The following UBE2E2 variants were observed in gnomAD, a reference collection of about 807,000 sequenced individuals.
UBE2E2 encodes the protein ubiquitin conjugating enzyme E2 E2, also known as ubiquitin-conjugating enzyme E2 E2.
UBE2E2 carries 6 observed loss-of-function variants against 24.7 expected under a neutral mutation model. The ratio of observed to expected loss-of-function variants is 0.24; its 90% confidence interval spans 0.13 to 0.48. The LOEUF (loss-of-function observed/expected upper bound fraction) is 0.48, where lower values mean the gene tolerates loss of function less well. Ranked by LOEUF, UBE2E2 falls within the 20% of genes least tolerant of loss-of-function variation. UBE2E2 has a pLI of 0.99. For missense variants in UBE2E2, 169 were observed against 245.0 expected (o/e 0.69, Z 2.07); for synonymous variants, 104 against 83.6 (o/e 1.24, Z -1.33).
rs528165568 is a variant in UBE2E2 at position 23,343,434 on chromosome 3, GGTGTCGT to G, written c.227+126124_227+126130del. On this transcript the variant is annotated intron_variant, in intron 3 of 5. Transcript: ENST00000396703. The stretch of plus-strand genomic sequence containing the variant: ...CTATTAAAAATACAAAAATTAGCTG[GGTGTCGT>G]GGCACTCACCTGTAGTCCCATCTAC... Among the ~76,000 whole-genome samples, 83 of 152,130 alleles carry G rather than the reference GGTGTCGT, an allele frequency of 5.5e-4. 2 individuals are homozygous for G. In the South Asian group the frequency reaches 0.016, roughly 29 times the overall value.
chr3:23,499,834 C>T, intron 4 of UBE2E2, 94 bp downstream of exon 4: 2 of 1,367,112 alleles, frequency 1.5e-6, no homozygotes, highest in African/African-American at 1.5e-5. Flanking sequence ...GGATGCATGT[C>T]TATTCTGTTG....
At chr3:23,351,945 A>G (rs987209669) in intron 3 of UBE2E2, among the ~76,000 whole-genome samples, 1 of 152,168 alleles carries the variant, frequency 6.6e-6, no homozygotes, top group African/African-American at 2.4e-5. Context: ...TTTCAGCACC[A>G]CACCACACCT....
chr3:23,293,573 G>A (rs2125251155), intron 3 of UBE2E2, among the ~76,000 whole-genome samples: 1 of 152,158 alleles, frequency 6.6e-6, no homozygotes, highest in African/African-American at 2.4e-5. Context: ...GACCTTAATG[G>A]GGAATTCACT....
intron 3 of UBE2E2, among the ~76,000 whole-genome samples, chr3:23,220,607 C>G (rs1354103832): frequency 6.6e-6 from 1 of 152,158 alleles, no homozygotes; most frequent in Non-Finnish European, 1.5e-5. Context: ...ATGACATTTG[C>G]AAGGGTTCTA....
intron 3 of UBE2E2, among the ~76,000 whole-genome samples, chr3:23,360,738 G>T (rs1209504819): frequency 6.6e-6 from 1 of 151,906 alleles, no homozygotes; most frequent in Admixed American, 6.6e-5. Context: ...GTTTTGAATG[G>T]AAGGTAGCCT....
At chr3:23,270,386 C>A (rs1698204729) in intron 3 of UBE2E2, among the ~76,000 whole-genome samples, 1 of 152,098 alleles carries the variant, frequency 6.6e-6, no homozygotes, top group African/African-American at 2.4e-5. Context: ...TTTGCCGTTC[C>A]TGCACTCTTT....
chr3:23,344,024 T>A (rs746159818), intron 3 of UBE2E2, among the ~76,000 whole-genome samples: 2 of 152,208 alleles, frequency 1.3e-5, no homozygotes, highest in Non-Finnish European at 2.9e-5. Flanking sequence ...ACCAGAAATA[T>A]CAACTAAATC....
intron 3 of UBE2E2, among the ~76,000 whole-genome samples, chr3:23,375,038 A>T (rs1696487030): frequency 6.6e-6 from 1 of 152,190 alleles, no homozygotes; most frequent in Admixed American, 6.5e-5. Context: ...AATGGCAGAA[A>T]TGAAATCTGT....
intron 3 of UBE2E2, among the ~76,000 whole-genome samples, chr3:23,291,437 C>G (rs1454436816): frequency 6.6e-6 from 1 of 152,092 alleles, no homozygotes; most frequent in Non-Finnish European, 1.5e-5. Context: ...AATAATAAGG[C>G]TTTTGTTCAC....
At chr3:23,216,548 A>G (rs1174178986) in intron 2 of UBE2E2, among the ~76,000 whole-genome samples, 1 of 152,174 alleles carries the variant, frequency 6.6e-6, no homozygotes, top group Non-Finnish European at 1.5e-5. Flanking sequence ...TATGAATGAT[A>G]GTTAAGGGAT....
At chr3:23,417,601 C>A (rs980479089) in intron 3 of UBE2E2, among the ~76,000 whole-genome samples, 1 of 152,220 alleles carries the variant, frequency 6.6e-6, no homozygotes, top group African/African-American at 2.4e-5. Flanking sequence ...AGATCCACTG[C>A]TCTCTGCAGA....
intron 5 of UBE2E2, among the ~76,000 whole-genome samples, chr3:23,559,590 G>T (rs578114808): frequency 2.0e-4 from 30 of 152,280 alleles, no homozygotes; most frequent in African/African-American, 7.0e-4. Flanking sequence ...CTGTCCTGCC[G>T]TGAGCAGCTT....
At chr3:23,486,347 C>T (rs1699371207) in intron 3 of UBE2E2, among the ~76,000 whole-genome samples, 1 of 152,150 alleles carries the variant, frequency 6.6e-6, no homozygotes, top group African/African-American at 2.4e-5. Flanking sequence ...TCAGAGATGC[C>T]AGGAACTTCA....
At chr3:23,220,895 C>T (rs1197895460) in intron 3 of UBE2E2, among the ~76,000 whole-genome samples, 1 of 152,194 alleles carries the variant, frequency 6.6e-6, no homozygotes, top group Non-Finnish European at 1.5e-5. Context: ...TTCATTTATA[C>T]TTCCTCGGTG....
intron 4 of UBE2E2, among the ~76,000 whole-genome samples, chr3:23,523,615 G>A (rs764342647): frequency 6.6e-6 from 1 of 150,508 alleles, no homozygotes; most frequent in Non-Finnish European, 1.5e-5. Flanking sequence ...TTCCTATGGG[G>A]TGGGGGGCTG....
At chr3:23,313,105 A>C (rs1244051933) in intron 3 of UBE2E2, among the ~76,000 whole-genome samples, 1 of 152,028 alleles carries the variant, frequency 6.6e-6, no homozygotes, top group African/African-American at 2.4e-5. Flanking sequence ...TATCTACTAG[A>C]TCCATTTGGC....
chr3:23,449,350 A>G (rs6780787), intron 3 of UBE2E2, among the ~76,000 whole-genome samples: 91,264 of 152,090 alleles, frequency 0.6, 28,240 homozygotes, highest in East Asian at 0.74. Context: ...ATTGACCATT[A>G]CATCATCATT....
intron 3 of UBE2E2, among the ~76,000 whole-genome samples, chr3:23,410,606 C>A (rs866684176): frequency 6.6e-6 from 1 of 151,732 alleles, no homozygotes. Context: ...ATTTTATTCC[C>A]GAAATAACCC....
At chr3:23,446,341 A>C (rs1460281689) in intron 3 of UBE2E2, among the ~76,000 whole-genome samples, 2 of 152,156 alleles carry the variant, frequency 1.3e-5, no homozygotes, top group East Asian at 1.9e-4. Context: ...ATAACCCTTA[A>C]TTTTTGTGAA....
Sources: gnomAD v4.1 joint callset for allele counts (sites outside exome capture counted in the v4.1 genomes callset) on GRCh38, gnomAD v4.1.1 for gene constraint, MANE v1.5 for transcripts, NCBI Gene and HGNC (gene_info 2026-07-23, HGNC 2026-07-21) for gene names.